The following OCA2 variants were observed in gnomAD, a reference collection of about 807,000 sequenced individuals.
The protein encoded by OCA2 is OCA2 melanosomal transmembrane protein, also known as P protein.
Under a neutral mutation model 100.2 loss-of-function variants are expected in OCA2, and 77 were observed. The observed-to-expected ratio is 0.77, with a 90% confidence interval of 0.64 to 0.93. The LOEUF is 0.93. Among genes scored for constraint, OCA2 ranks in the 40% least tolerant of loss-of-function variants. The probability of loss-of-function intolerance (pLI) is 0.00; values close to 1 mark genes in which losing one functional copy is unlikely to be tolerated. For missense variants in OCA2, 1,062 were observed against 1,089.1 expected (o/e 0.98, Z 0.35); for synonymous variants, 432 against 439.2 (o/e 0.98, Z 0.21).
intron 23 of OCA2, among the ~76,000 whole-genome samples, chr15:27,771,711 T>G (rs1383054457): frequency 6.6e-6 from 1 of 152,254 alleles, no homozygotes; most frequent in Non-Finnish European, 1.5e-5. Flanking sequence ...TTTATCAGCA[T>G]GTAATCGTCT....
chr15:27,923,365 C>A (rs1379818666), intron 19 of OCA2, among the ~76,000 whole-genome samples: 5 of 152,110 alleles, frequency 3.3e-5, no homozygotes, highest in Non-Finnish European at 5.9e-5. Flanking sequence ...TTTATATATA[C>A]CCAGTAATGG....
At position 27,972,740 on chromosome 15, in the gene OCA2, T is replaced by A. The variant is rs187924669; in HGVS notation, c.1504-5918A>T. On this transcript the variant is annotated intron_variant, in intron 14 of 23. Transcript: ENST00000354638. ...CTAATTTGTTTGAGTTTCTTATAGATTCTGGATATTAGTCCTTTGTCAGAT... is the reference window on the plus strand; with the variant it reads ...CTAATTTGTTTGAGTTTCTTATAGAATCTGGATATTAGTCCTTTGTCAGAT... Among the ~76,000 whole-genome samples, 4 of 152,104 alleles carry A rather than the reference T, an allele frequency of 2.6e-5. No individual in the cohort carries two copies. The East Asian group carries it at 7.7e-4, about 29-fold the overall frequency.
intron 23 of OCA2, among the ~76,000 whole-genome samples, chr15:27,784,669 C>T (rs1460031536): frequency 3.3e-5 from 5 of 152,174 alleles, no homozygotes; most frequent in Admixed American, 3.3e-4. Context: ...AAATGAAATG[C>T]TAGAAATGAA....
chr15:27,923,055 A>G (rs2038924354), intron 19 of OCA2, among the ~76,000 whole-genome samples: 1 of 152,028 alleles, frequency 6.6e-6, no homozygotes, highest in African/African-American at 2.4e-5. Context: ...ATAAGTGAAA[A>G]CATGTGGTAT....
intron 1 of OCA2, among the ~76,000 whole-genome samples, chr15:28,096,625 C>G (rs989252401): frequency 6.6e-6 from 1 of 152,148 alleles, no homozygotes; most frequent in Admixed American, 6.5e-5. Context: ...GGACCGAGAC[C>G]GCGAGTGTGA....
At chr15:28,008,138 G>A (rs2042140195) in intron 9 of OCA2, among the ~76,000 whole-genome samples, 1 of 152,220 alleles carries the variant, frequency 6.6e-6, no homozygotes, top group African/African-American at 2.4e-5. Flanking sequence ...CACAATAAGT[G>A]AGATGGAGCG....
chr15:28,059,673 G>A (rs1202412367), intron 2 of OCA2, among the ~76,000 whole-genome samples: 1 of 152,172 alleles, frequency 6.6e-6, no homozygotes, highest in East Asian at 1.9e-4. Flanking sequence ...TTGCTCCCTA[G>A]TAGTAAAGTC....
rs377617821 is a variant in OCA2 at position 28,018,527 on chromosome 15, G to A, written c.677C>T (p.Thr226Met). The A allele has an allele frequency of 6.8e-6, 11 of 1,613,482 alleles. No individual in the cohort carries two copies. The highest frequency in any genetic ancestry group is 5.0e-5 in the Admixed American group (3 of 59,984). The change falls in exon 7 of 24, where the codon ACG becomes ATG. Residue 226 changes from threonine to methionine, a missense_variant. Coordinates refer to ENST00000354638, the MANE Select transcript of OCA2 (RefSeq NM_000275.3). ...SVNLSSHVDS[T>M]LLQVDLAGAL... ...CCCTGCCAGGTCCACCTGCAGCAGC[G>A]TGGAGTCCACGTGGCTGCTAAGGTT...
chr15:28,040,618 C>T (rs1354696159), intron 2 of OCA2, among the ~76,000 whole-genome samples: 1 of 151,974 alleles, frequency 6.6e-6, no homozygotes, highest in Non-Finnish European at 1.5e-5. Context: ...TAAGGAAAAA[C>T]TCAAATTATT....
chr15:27,855,268 C>T (rs904246841), intron 21 of OCA2, among the ~76,000 whole-genome samples: 2 of 152,204 alleles, frequency 1.3e-5, no homozygotes, highest in Non-Finnish European at 2.9e-5. Context: ...TCCATGCAGC[C>T]AGCCATGACC....
intron 18 of OCA2, among the ~76,000 whole-genome samples, chr15:27,951,567 C>A (rs973162303): frequency 6.6e-6 from 1 of 152,210 alleles, no homozygotes; most frequent in Non-Finnish European, 1.5e-5. Context: ...GTCTAAGGGG[C>A]CAGAGATGCA....
chr15:27,752,800 ACCCCCCC>A (rs56383302), downstream of OCA2, among the ~76,000 whole-genome samples: 24 of 70,554 alleles, frequency 3.4e-4, no homozygotes, highest in African/African-American at 1.4e-3. Flanking sequence ...CTGGTCCCCC[ACCCCCCC>A]CCCCCCCCCA....
chr15:27,864,276 G>C (rs903138374), intron 21 of OCA2, among the ~76,000 whole-genome samples: 11 of 152,180 alleles, frequency 7.2e-5, no homozygotes, highest in African/African-American at 2.4e-4. Context: ...TTCAAGCCCA[G>C]ATCCACCTCC....
At chr15:28,052,271 T>A (rs968547585) in intron 2 of OCA2, among the ~76,000 whole-genome samples, 1 of 152,290 alleles carries the variant, frequency 6.6e-6, no homozygotes, top group Non-Finnish European at 1.5e-5. Context: ...TCACAGATAT[T>A]AGAGATACTG....
chr15:28,039,709 T>G (rs973794366), intron 2 of OCA2, among the ~76,000 whole-genome samples: 1 of 152,104 alleles, frequency 6.6e-6, no homozygotes, highest in Non-Finnish European at 1.5e-5. Flanking sequence ...TTAGGATGGA[T>G]CTAAACCCAA....
At chr15:27,754,369 T>C (rs1318954065), downstream of OCA2, among the ~76,000 whole-genome samples, 1 of 152,202 alleles carries the variant, frequency 6.6e-6, no homozygotes, top group African/African-American at 2.4e-5. Context: ...ATCTTGGAAC[T>C]TTTGAAGTCA....
intron 2 of OCA2, among the ~76,000 whole-genome samples, chr15:28,035,497 T>C (rs990314321): frequency 6.6e-6 from 1 of 152,208 alleles, no homozygotes; most frequent in Non-Finnish European, 1.5e-5. Context: ...GTAGAGAAGA[T>C]GCAGGATTGC....
At chr15:28,032,209 T>A in intron 2 of OCA2, 46 bp from the exon 3 acceptor site, 1 of 1,362,644 alleles carries the variant, frequency 7.3e-7, no homozygotes, top group Non-Finnish European at 1.1e-6. Context: ...ACAGAAATAA[T>A]GTATGTGTTC....
chr15:27,947,834 G>A (rs1299754477), intron 18 of OCA2, among the ~76,000 whole-genome samples: 1 of 152,242 alleles, frequency 6.6e-6, no homozygotes, highest in East Asian at 1.9e-4. Flanking sequence ...TGGTGCCTGC[G>A]CTCACTCTCC....
Sources: gnomAD v4.1 joint callset for allele counts (sites outside exome capture counted in the v4.1 genomes callset) on GRCh38, gnomAD v4.1.1 for gene constraint, MANE v1.5 for transcripts, NCBI Gene and HGNC (gene_info 2026-07-23, HGNC 2026-07-21) for gene names.